ADCY2: variants seen among roughly 807,000 people sequenced by gnomAD.
ADCY2 encodes adenylate cyclase 2, also known as adenylate cyclase type 2.
In ADCY2, 31 loss-of-function variants were observed where a neutral mutation model predicts 125.2. The ratio of observed to expected loss-of-function variants is 0.25; its 90% confidence interval spans 0.19 to 0.33. The LOEUF is 0.33. Ranked by LOEUF, ADCY2 falls within the 10% of genes least tolerant of loss-of-function variation. The pLI is 1.00. For synonymous variants in ADCY2, 512 were observed against 548.4 expected (o/e 0.93, Z 0.93); for missense variants, 904 against 1,418.2 (o/e 0.64, Z 5.82).
intron 2 of ADCY2, among the ~76,000 whole-genome samples, chr5:7,489,999 C>G (rs1053937678): frequency 6.6e-6 from 1 of 151,900 alleles, no homozygotes; most frequent in Admixed American, 6.6e-5. Flanking sequence ...TGAATACAGA[C>G]TTAACATTTC....
At chr5:7,664,481 C>A (rs1332865495) in intron 4 of ADCY2, among the ~76,000 whole-genome samples, 2 of 152,182 alleles carry the variant, frequency 1.3e-5, no homozygotes, top group Non-Finnish European at 2.9e-5. Context: ...GAACTAAGCT[C>A]TGACTTTTTA....
In ADCY2 at chr5:7,713,051, A is replaced by T; in HGVS notation, c.1622+152A>T. 5 of 591,370 alleles carry T rather than the reference A, an allele frequency of 8.5e-6. No individual in the cohort carries two copies. In the South Asian group the frequency reaches 9.8e-5, roughly 12 times the overall value. 36.6% of individuals were successfully genotyped at this position (591,370 alleles called of 1,614,324 possible). A position where few individuals can be genotyped will look rare whatever the true frequency, so the allele number is the denominator to read the frequency against. ...ATTAAATTGCTTTCAGCTTCTAAAA[A>T]TAGAATCATTGGGGTCTTATTGTTA... On this transcript the variant is annotated intron_variant, in intron 11 of 24. Coordinates refer to ENST00000338316, the MANE Select transcript of ADCY2 (RefSeq NM_020546.3).
chr5:7,599,808 A>G (rs1021995584), intron 3 of ADCY2, among the ~76,000 whole-genome samples: 9 of 152,194 alleles, frequency 5.9e-5, no homozygotes, highest in African/African-American at 9.7e-5. Flanking sequence ...AGGTCGCCAA[A>G]TAGGAGGAAG....
rs756226083 is a variant in ADCY2 at position 7,690,834 on chromosome 5, C to T, written c.864C>T (p.Asn288=). The T allele has an allele frequency of 6.3e-6, 10 of 1,584,978 alleles. No individual in the cohort carries two copies. Among genetic ancestry groups the T allele is most frequent in the East Asian group, 2.3e-5 (1 of 42,982 alleles). ...ACCTGTATGTGAAGCGGCATACAAA[C>T]GTGAGGTACGACGCTATGCTTGCTC... ...FHNLYVKRHT[N]VSILYADIVG... Residue 288 remains asparagine, a synonymous_variant, in exon 5 of 25, where the codon AAC becomes AAT. Coordinates refer to ENST00000338316, the MANE Select transcript of ADCY2 (RefSeq NM_020546.3).
chr5:7,521,042 A>C, intron 3 of ADCY2, 143 bp downstream of exon 3: 5 of 927,192 alleles, frequency 5.4e-6, no homozygotes, highest in Non-Finnish European at 8.0e-6. Flanking sequence ...ACCCCCTATA[A>C]CACTGAGGAG....
At chr5:7,729,895 G>T (rs13182990) in intron 14 of ADCY2, among the ~76,000 whole-genome samples, 148,999 of 150,348 alleles carry the variant, frequency 0.99, 73,841 homozygotes, top group Middle Eastern at 1. Flanking sequence ...ATATATTTTT[G>T]GTCAATATCT....
chr5:7,517,111 G>A (rs1485474675), intron 2 of ADCY2, among the ~76,000 whole-genome samples: 3 of 152,160 alleles, frequency 2.0e-5, no homozygotes, highest in East Asian at 1.9e-4. Flanking sequence ...TAGAAGATAC[G>A]TAGGAAGATA....
At chr5:7,698,476 G>T (rs1740965456) in intron 7 of ADCY2, 102 bp downstream of exon 7, 1 of 1,255,906 alleles carries the variant, frequency 8.0e-7, no homozygotes, top group Non-Finnish European at 1.1e-6. Context: ...GTACTGTGTT[G>T]GTTTCCTGCA....
intron 3 of ADCY2, among the ~76,000 whole-genome samples, chr5:7,584,132 CTGAT>C (rs1439780572): frequency 2.6e-5 from 4 of 151,938 alleles, no homozygotes; most frequent in Non-Finnish European, 5.9e-5. Context: ...TTTCTTTACT[CTGAT>C]GGATGCATTT....
intron 4 of ADCY2, among the ~76,000 whole-genome samples, chr5:7,689,027 T>A (rs568593839): frequency 6.6e-6 from 1 of 152,208 alleles, no homozygotes; most frequent in Admixed American, 6.5e-5. Context: ...ATAAAGATGA[T>A]GAAAGCTAGC....
At chr5:7,397,880 CG>C (rs1236226207) in intron 1 of ADCY2, among the ~76,000 whole-genome samples, 1 of 151,994 alleles carries the variant, frequency 6.6e-6, no homozygotes, top group African/African-American at 2.4e-5. Flanking sequence ...GATAGGAGTC[CG>C]GAGAAACCCT....
intron 24 of ADCY2, among the ~76,000 whole-genome samples, chr5:7,824,374 G>C (rs1310638702): frequency 6.6e-6 from 1 of 152,138 alleles, no homozygotes; most frequent in Non-Finnish European, 1.5e-5. Flanking sequence ...CTGATTGGCG[G>C]GTGGTTCGGC....
intron 15 of ADCY2, among the ~76,000 whole-genome samples, chr5:7,754,873 A>G (rs1056385555): frequency 6.6e-6 from 1 of 152,012 alleles, no homozygotes; most frequent in African/African-American, 2.4e-5. Context: ...AAAAAAAAAA[A>G]GAAAAAACAA....
intron 18 of ADCY2, among the ~76,000 whole-genome samples, chr5:7,779,016 A>G (rs1478277053): frequency 6.6e-6 from 1 of 152,198 alleles, no homozygotes; most frequent in African/African-American, 2.4e-5. Flanking sequence ...CAGATTTACC[A>G]TCTCAGCTTT....
At chr5:7,735,607 A>G (rs1296685721) in intron 14 of ADCY2, among the ~76,000 whole-genome samples, 2 of 152,178 alleles carry the variant, frequency 1.3e-5, no homozygotes, top group East Asian at 3.9e-4. Context: ...CTATTCTATT[A>G]ATGTGACCTA....
chr5:7,626,050 A>G (rs1738110219), intron 3 of ADCY2, 117 bp from the exon 4 acceptor site: 7 of 1,163,304 alleles, frequency 6.0e-6, no homozygotes, highest in Non-Finnish European at 4.8e-6. Flanking sequence ...AAACAGAAGT[A>G]AAATTAACTT....
chr5:7,540,495 T>C (rs1339918200), intron 3 of ADCY2, among the ~76,000 whole-genome samples: 1 of 152,192 alleles, frequency 6.6e-6, no homozygotes, highest in African/African-American at 2.4e-5. Flanking sequence ...CTGAACATCC[T>C]CTGCTGGATT....
intron 22 of ADCY2, among the ~76,000 whole-genome samples, chr5:7,812,947 A>G (rs1481827481): frequency 2.6e-5 from 4 of 152,174 alleles, no homozygotes; most frequent in Non-Finnish European, 4.4e-5. Flanking sequence ...TTATTGTCCC[A>G]TTTAACAGGT....
intron 5 of ADCY2, 153 bp downstream of exon 5, chr5:7,690,992 A>C (rs1579319904): frequency 1.0e-5 from 9 of 867,238 alleles, no homozygotes; most frequent in East Asian, 6.3e-5. Context: ...CATCCCACTC[A>C]CCTGTTCCTG....
Sources: gnomAD v4.1 joint callset for allele counts (sites outside exome capture counted in the v4.1 genomes callset) on GRCh38, gnomAD v4.1.1 for gene constraint, MANE v1.5 for transcripts, NCBI Gene and HGNC (gene_info 2026-07-23, HGNC 2026-07-21) for gene names.